TOX2: variants seen among roughly 807,000 people sequenced by gnomAD.
TOX2 encodes the protein granulosa cell HMG box 1.
TOX2 carries 15 observed loss-of-function variants against 47.4 expected under a neutral mutation model. The ratio of observed to expected loss-of-function variants is 0.32; its 90% CI spans 0.21 to 0.49. The LOEUF (loss-of-function observed/expected upper bound fraction) is 0.49. Among genes scored for constraint, TOX2 ranks in the 20% least tolerant of loss-of-function variants. The pLI, the probability that TOX2 is intolerant of heterozygous loss-of-function variation, is 0.99. For synonymous variants in TOX2, 290 were observed against 296.6 expected (o/e 0.98, Z 0.23); for missense variants, 622 against 673.1 (o/e 0.92, Z 0.84).
intron 3 of TOX2, among the ~76,000 whole-genome samples, chr20:44,038,643 G>GA (rs891177057): frequency 8.1e-5 from 12 of 147,570 alleles, no homozygotes; most frequent in South Asian, 2.1e-4. Flanking sequence ...TGGAAAAAAA[G>GA]AAAAAAAAAA....
At chr20:44,005,070 A>G (rs1175647136) in intron 2 of TOX2, among the ~76,000 whole-genome samples, 1 of 152,236 alleles carries the variant, frequency 6.6e-6, no homozygotes, top group Non-Finnish European at 1.5e-5. Flanking sequence ...CCCATAAGTA[A>G]GTACCATTAT....
chr20:43,948,639 C>A (rs2069509427), intron 1 of TOX2, among the ~76,000 whole-genome samples: 1 of 152,130 alleles, frequency 6.6e-6, no homozygotes, highest in South Asian at 2.1e-4. Flanking sequence ...GCTGGGGCAG[C>A]CTCTGTGTCG....
At position 44,065,879 on chromosome 20, in the gene TOX2, G is replaced by A. The variant is rs143301359; in HGVS notation, c.1128G>A (p.Thr376=). Residue 376 remains threonine, a synonymous_variant, in exon 7 of 9, where the codon ACG becomes ACA. Coordinates refer to ENST00000341197, the MANE Select transcript of TOX2 (RefSeq NM_001098797.2). ...CCTCCCCTGCCAGCCTCGCCCGGAC[G>A]CTGGGCTCCAAGTCTCTGCTGCCAG... ...SGASPASLAR[T]LGSKSLLPGL... The A allele has an allele frequency of 5.3e-4, 860 of 1,612,754 alleles. 1 individual carries two copies. Among genetic ancestry groups the A allele is most frequent in the Middle Eastern group, 1.3e-3 (8 of 6,076 alleles).
At chr20:43,952,197 A>G (rs1274433326) in intron 1 of TOX2, among the ~76,000 whole-genome samples, 2 of 151,982 alleles carry the variant, frequency 1.3e-5, no homozygotes, top group East Asian at 1.9e-4. Flanking sequence ...CACTGCGCCC[A>G]GCAGAAAAGT....
At chr20:44,033,725 T>TCCAAAGAGAACGAGCCC (rs1343621526) in intron 3 of TOX2, among the ~76,000 whole-genome samples, 1 of 151,768 alleles carries the variant, frequency 6.6e-6, no homozygotes, top group African/African-American at 2.4e-5. Flanking sequence ...CCCTGGAGCC[T>TCCAAAGAGAACGAGCCC]CCAAAGAGAA....
chr20:44,003,623 A>G lies in TOX2; in HGVS notation c.166-2924A>G, dbSNP rs558208615. 6.6e-5 allele frequency among the ~76,000 whole-genome samples: 10 copies of G among 152,338 alleles called. No homozygotes were observed. The East Asian group carries it at 1.9e-3, about 29-fold the overall frequency. On this transcript the variant is annotated intron_variant, in intron 2 of 8. Transcript: ENST00000341197. The stretch of plus-strand genomic sequence containing the variant: ...CTACTTATAACGATGAGTGCTTCCA[A>G]GGAAAAATTCTGGGCAATCTTGGGG...
At chr20:44,023,040 T>A (rs2145657137) in intron 3 of TOX2, among the ~76,000 whole-genome samples, 2 of 150,402 alleles carry the variant, frequency 1.3e-5, no homozygotes, top group South Asian at 4.2e-4. Context: ...GGGGGAAGCT[T>A]CAGACCATGA....
At chr20:43,952,381 C>T (rs1209194826) in intron 1 of TOX2, among the ~76,000 whole-genome samples, 3 of 152,152 alleles carry the variant, frequency 2.0e-5, no homozygotes, top group African/African-American at 7.2e-5. Context: ...CGTAACAACC[C>T]CCTGAATCTC....
chr20:43,934,588 G>A (rs2069299972), intron 1 of TOX2, among the ~76,000 whole-genome samples: 1 of 152,078 alleles, frequency 6.6e-6, no homozygotes, highest in Non-Finnish European at 1.5e-5. Context: ...GACTGGATGG[G>A]CAGAGGCTCG....
chr20:44,048,417 T>TATATATAA (rs1388097590), intron 3 of TOX2, among the ~76,000 whole-genome samples: 3 of 139,608 alleles, frequency 2.1e-5, no homozygotes, highest in African/African-American at 5.3e-5. Flanking sequence ...TATATATGTA[T>TATATATAA]AATTTACCAA....
rs148516647 is a variant in TOX2 at position 43,918,385 on chromosome 20, T to A, written c.99+3395T>A. The stretch of plus-strand genomic sequence containing the variant: ...ACAGTTCCATGAGTTTTGATAAATA[T>A]TAACACTCATGTAACCAGCATCCCA... On this transcript the variant is annotated intron_variant, in intron 1 of 8. Transcript: ENST00000341197. 6.3e-3 allele frequency among the ~76,000 whole-genome samples: 967 copies of A among 152,342 alleles called. 9 individuals are homozygous for A. The highest frequency in any genetic ancestry group is 0.022 in the African/African-American group (917 of 41,572).
At chr20:43,968,728 T>A (rs1297477051) in intron 1 of TOX2, among the ~76,000 whole-genome samples, 4 of 152,186 alleles carry the variant, frequency 2.6e-5, no homozygotes, top group Non-Finnish European at 4.4e-5. Context: ...TAATGAGGAC[T>A]GAAGATGGCA....
rs963054476 is a variant in TOX2, at chr20:44,042,399, C to T, written c.412-8907C>T. ...ACTGGATGTAAAAGTTTGTTGAAAGCAGCGAGCAACACTGGTTGTAACCAA... is the reference window on the plus strand; with the variant it reads ...ACTGGATGTAAAAGTTTGTTGAAAGTAGCGAGCAACACTGGTTGTAACCAA... On this transcript the variant is annotated intron_variant, in intron 3 of 8. Coordinates refer to ENST00000341197, the MANE Select transcript of TOX2 (RefSeq NM_001098797.2). Among the ~76,000 whole-genome samples the T allele has an allele frequency of 2.6e-5, 4 of 152,182 alleles. No individual in the cohort carries two copies. In the South Asian group the frequency reaches 8.3e-4, roughly 31 times the overall value.
intron 3 of TOX2, among the ~76,000 whole-genome samples, chr20:44,032,375 C>CAACAAAATGTTGTAACAACGGTTGTAA (rs2071170536): frequency 6.6e-6 from 1 of 152,162 alleles, no homozygotes; most frequent in African/African-American, 2.4e-5. Flanking sequence ...CAGGAGCGTC[C>CAACAAAATGTTGTAACAACGGTTGTAA]CCGCGGTTGT....
chr20:43,992,866 A>G (rs1026428486), intron 2 of TOX2, among the ~76,000 whole-genome samples: 2 of 151,106 alleles, frequency 1.3e-5, no homozygotes, highest in Admixed American at 6.6e-5. Context: ...AAAAAAAAAA[A>G]GAAAAAATGG....
intron 1 of TOX2, among the ~76,000 whole-genome samples, chr20:43,944,631 T>G (rs538960162): frequency 1.2e-4 from 18 of 152,360 alleles, no homozygotes; most frequent in Admixed American, 1.1e-3. Flanking sequence ...GGCCGTTCTC[T>G]CTGTCACTTA....
chr20:44,028,274 C>G (rs2071095394), intron 3 of TOX2, among the ~76,000 whole-genome samples: 1 of 151,878 alleles, frequency 6.6e-6, no homozygotes, highest in African/African-American at 2.4e-5. Flanking sequence ...CTGCCCCATT[C>G]CCAGAGGGGG....
chr20:43,945,985 G>A (rs779099602), intron 1 of TOX2: 21 of 1,613,942 alleles, frequency 1.3e-5, no homozygotes, highest in Admixed American at 6.7e-5. Context: ...AATGAGACTC[G>A]GGCTCCTTCT....
At chr20:43,975,165 G>T (rs1357167312) in intron 2 of TOX2, among the ~76,000 whole-genome samples, 1 of 152,094 alleles carries the variant, frequency 6.6e-6, no homozygotes, top group Admixed American at 6.6e-5. Context: ...GGTGAATTCT[G>T]TTCTGGAACC....
Sources: allele counts gnomAD v4.1 joint callset (sites outside exome capture counted in the v4.1 genomes callset), GRCh38; gene constraint gnomAD v4.1.1; transcripts MANE v1.5; gene names NCBI Gene and HGNC (gene_info 2026-07-23, HGNC 2026-07-21).